BRD10: variants seen among roughly 807,000 people sequenced by gnomAD.
The protein encoded by BRD10 is bromodomain containing 10.
the BRD10 span, chr9:5,919,155 T>C: frequency 6.5e-6 from 1 of 152,972 alleles, no homozygotes; most frequent in East Asian, 1.9e-4. Context: ...TAGTTCTTTG[T>C]ACATATATTT....
the BRD10 span, chr9:6,008,190 G>C: frequency 1.0e-6 from 1 of 972,498 alleles, no homozygotes; most frequent in Non-Finnish European, 1.2e-6. Context: ...GGGCGAGGAG[G>C]AAGGGGGTTC....
the BRD10 span, among the ~76,000 whole-genome samples, chr9:5,948,308 T>C: frequency 6.6e-6 from 1 of 152,234 alleles, no homozygotes; most frequent in African/African-American, 2.4e-5. Flanking sequence ...TACTATATTA[T>C]ATTCTTTTTA....
the BRD10 span, among the ~76,000 whole-genome samples, chr9:5,884,999 G>A: frequency 4.6e-5 from 7 of 152,288 alleles, no homozygotes; most frequent in South Asian, 1.0e-3. Context: ...AGGCCAGCCC[G>A]AGGCCAGCAG....
At chr9:5,944,857 G>C in the BRD10 span, 1 of 1,383,898 alleles carries the variant, frequency 7.2e-7, no homozygotes, top group South Asian at 1.3e-5. Flanking sequence ...TAGAACTTTT[G>C]GATCAACACC....
chr9:5,957,978 T>A, the BRD10 span, among the ~76,000 whole-genome samples: 3 of 152,094 alleles, frequency 2.0e-5, no homozygotes, highest in Non-Finnish European at 2.9e-5. Flanking sequence ...CTAAGTTACT[T>A]GGTCATATAA....
the BRD10 span, chr9:5,920,016 C>T: frequency 1.5e-5 from 24 of 1,613,874 alleles, no homozygotes; most frequent in South Asian, 1.6e-4. Flanking sequence ...GGAGGTGGAA[C>T]AGGAACCTTA....
At chr9:5,924,321 G>A in the BRD10 span, among the ~76,000 whole-genome samples, 2 of 149,700 alleles carry the variant, frequency 1.3e-5, no homozygotes, top group African/African-American at 4.9e-5. Context: ...ATTTTGCTCT[G>A]TTGCCCAGTC....
At chr9:5,970,585 G>A in the BRD10 span, among the ~76,000 whole-genome samples, 1 of 151,988 alleles carries the variant, frequency 6.6e-6, no homozygotes, top group Non-Finnish European at 1.5e-5. Flanking sequence ...GATAAACTGG[G>A]TATCATCAAA....
the BRD10 span, among the ~76,000 whole-genome samples, chr9:5,957,697 T>C: frequency 6.6e-6 from 1 of 152,188 alleles, no homozygotes; most frequent in Non-Finnish European, 1.5e-5. Flanking sequence ...TTTGTACATT[T>C]ACTATTTTTT....
At chr9:6,007,647 G>A in the BRD10 span, 6 of 1,604,428 alleles carry the variant, frequency 3.7e-6, no homozygotes, top group East Asian at 2.2e-5. Flanking sequence ...CCAGCGAGGA[G>A]GCACTCCTTC....
the BRD10 span, among the ~76,000 whole-genome samples, chr9:5,934,219 T>C: frequency 6.6e-6 from 1 of 152,030 alleles, no homozygotes; most frequent in Non-Finnish European, 1.5e-5. Flanking sequence ...GCTTTTTTCC[T>C]ATATGCTTTT....
the BRD10 span, chr9:5,921,248 A>C: frequency 6.2e-7 from 1 of 1,613,996 alleles, no homozygotes; most frequent in Non-Finnish European, 8.5e-7. Context: ...AGTATTTACA[A>C]TTGCTTGACC....
At chr9:5,913,964 G>A in the BRD10 span, 9 of 448,022 alleles carry the variant, frequency 2.0e-5, no homozygotes, top group South Asian at 9.6e-5. Flanking sequence ...GAAAGTCTTG[G>A]AAAGAAGCAC....
the BRD10 span, among the ~76,000 whole-genome samples, chr9:6,008,449 A>G: frequency 1.3e-5 from 2 of 151,740 alleles, no homozygotes; most frequent in African/African-American, 4.8e-5. Context: ...AAGCAAAGAA[A>G]GAGGCCCTGT....
chr9:5,955,912 CTGAG>C, the BRD10 span, among the ~76,000 whole-genome samples: 2 of 152,086 alleles, frequency 1.3e-5, no homozygotes, highest in Non-Finnish European at 2.9e-5. Context: ...GATTCCTAAA[CTGAG>C]TGCCATAAGT....
At chr9:5,912,597 A>T in the BRD10 span, among the ~76,000 whole-genome samples, 1 of 152,192 alleles carries the variant, frequency 6.6e-6, no homozygotes, top group South Asian at 2.1e-4. Context: ...CTTAACACAA[A>T]TGAGGAGAGG....
chr9:5,966,008 C>G, the BRD10 span, among the ~76,000 whole-genome samples: 1 of 152,140 alleles, frequency 6.6e-6, no homozygotes, highest in Admixed American at 6.6e-5. Flanking sequence ...CCAATGTTTA[C>G]CCAGTATTAA....
the BRD10 span, among the ~76,000 whole-genome samples, chr9:5,982,419 G>A: frequency 6.6e-6 from 1 of 152,158 alleles, no homozygotes; most frequent in African/African-American, 2.4e-5. Flanking sequence ...CCACAATGTG[G>A]CAGTATTGAG....
the BRD10 span, among the ~76,000 whole-genome samples, chr9:5,926,213 G>T: frequency 6.6e-6 from 1 of 152,168 alleles, no homozygotes; most frequent in Non-Finnish European, 1.5e-5. Flanking sequence ...ACTGCGCCTG[G>T]CCATGTTCTC....
Sources: gnomAD v4.1 joint callset for allele counts (sites outside exome capture counted in the v4.1 genomes callset) on GRCh38, gnomAD v4.1.1 for gene constraint, MANE v1.5 for transcripts, NCBI Gene and HGNC (gene_info 2026-07-23, HGNC 2026-07-21) for gene names.